UBE2E2: variants seen among roughly 807,000 people sequenced by gnomAD.
The protein encoded by UBE2E2 is ubiquitin-conjugating enzyme E2 E2.
A neutral mutation model predicts 24.7 loss-of-function variants in UBE2E2; 6 were observed. The ratio of observed to expected loss-of-function variants is 0.24; its 90% CI spans 0.13 to 0.48. The LOEUF is 0.48. Among genes scored for constraint, UBE2E2 ranks in the 20% least tolerant of loss-of-function variants. The pLI is 0.99. For synonymous variants in UBE2E2, 104 were observed against 83.6 expected (o/e 1.24, Z -1.33); for missense variants, 169 against 245.0 (o/e 0.69, Z 2.07).
chr3:23,309,131 G>A (rs1446961604), intron 3 of UBE2E2, among the ~76,000 whole-genome samples: 3 of 152,154 alleles, frequency 2.0e-5, no homozygotes, highest in Non-Finnish European at 4.4e-5. Context: ...CCCACTTTGA[G>A]GGCAGGTCTT....
intron 3 of UBE2E2, among the ~76,000 whole-genome samples, chr3:23,307,064 C>T (rs141597550): frequency 8.6e-4 from 131 of 152,112 alleles, no homozygotes; most frequent in African/African-American, 3.0e-3. Context: ...ATTTTTGGTA[C>T]GATATTATTT....
chr3:23,546,384 AC>A (rs1367438829), intron 5 of UBE2E2, among the ~76,000 whole-genome samples: 1 of 151,856 alleles, frequency 6.6e-6, no homozygotes, highest in Non-Finnish European at 1.5e-5. Flanking sequence ...TTTACTCAGA[AC>A]TATTTGCCCA....
chr3:23,525,692 C>CA (rs753918826), intron 4 of UBE2E2, among the ~76,000 whole-genome samples: 4 of 152,130 alleles, frequency 2.6e-5, no homozygotes, highest in Non-Finnish European at 5.9e-5. Flanking sequence ...TTAACCCTTG[C>CA]AATGGAAGTG....
At chr3:23,334,435 TATTGGTGG>T (rs1695151684) in intron 3 of UBE2E2, among the ~76,000 whole-genome samples, 2 of 152,186 alleles carry the variant, frequency 1.3e-5, no homozygotes, top group African/African-American at 4.8e-5. Context: ...TACAACTGCG[TATTGGTGG>T]TACCTACTCA....
intron 3 of UBE2E2, among the ~76,000 whole-genome samples, chr3:23,267,673 G>C (rs1484895248): frequency 3.3e-5 from 5 of 152,054 alleles, no homozygotes; most frequent in Middle Eastern, 3.4e-3. Context: ...CCAATCAATA[G>C]AAAAAGAGGG....
chr3:23,546,791 T>C (rs952566763), intron 5 of UBE2E2, among the ~76,000 whole-genome samples: 15 of 152,074 alleles, frequency 9.9e-5, no homozygotes, highest in Non-Finnish European at 2.9e-5. Context: ...TAGATTTTAA[T>C]TAATTTTTAA....
rs759887508 is a variant in UBE2E2 at position 23,560,912 on chromosome 3, GTTGT to G, written c.508+28218_508+28221del. ...TATCCTTTGCCCACTTTTTGATGGG[GTTGT>G]TTGTTTTTTTCTTGTAAATTTGTTT... On this transcript the variant is annotated intron_variant, in intron 5 of 5. Coordinates refer to ENST00000396703, the MANE Select transcript of UBE2E2 (RefSeq NM_152653.4). Among the ~76,000 whole-genome samples, 85 of 152,212 alleles carry G rather than the reference GTTGT, an allele frequency of 5.6e-4. 3 individuals are homozygous for G. In the East Asian group the frequency reaches 0.015, roughly 27 times the overall value.
At chr3:23,380,354 A>G (rs958570653) in intron 3 of UBE2E2, among the ~76,000 whole-genome samples, 4 of 152,222 alleles carry the variant, frequency 2.6e-5, no homozygotes, top group Admixed American at 2.0e-4. Context: ...CTACAGGCAC[A>G]TGCCGTGACT....
intron 3 of UBE2E2, among the ~76,000 whole-genome samples, chr3:23,448,852 T>G (rs1698491239): frequency 6.6e-6 from 1 of 152,204 alleles, no homozygotes; most frequent in East Asian, 1.9e-4. Flanking sequence ...GTCAGGCAGA[T>G]CCAGGATCTC....
intron 3 of UBE2E2, among the ~76,000 whole-genome samples, chr3:23,392,838 A>G (rs1357799311): frequency 1.3e-5 from 2 of 152,196 alleles, no homozygotes; most frequent in Non-Finnish European, 2.9e-5. Flanking sequence ...GAAGTGAAAG[A>G]TGAATAATAT....
At chr3:23,445,609 A>C (rs1692622) in intron 3 of UBE2E2, among the ~76,000 whole-genome samples, 84,242 of 152,058 alleles carry the variant, frequency 0.55, 23,768 homozygotes, top group African/African-American at 0.61. Context: ...GCTAGATCGG[A>C]AATCCTTTTT....
At chr3:23,314,655 C>A (rs1007146445) in intron 3 of UBE2E2, among the ~76,000 whole-genome samples, 1 of 152,148 alleles carries the variant, frequency 6.6e-6, no homozygotes, top group African/African-American at 2.4e-5. Context: ...TGATGAAATC[C>A]CTCAGCTTTT....
chr3:23,560,232 A>G (rs1356787768), intron 5 of UBE2E2, among the ~76,000 whole-genome samples: 3 of 75,814 alleles, frequency 4.0e-5, no homozygotes, highest in Non-Finnish European at 7.6e-5. Flanking sequence ...CCACCCCACA[A>G]CAGGCCCCGG....
chr3:23,463,592 C>T (rs1368710293), intron 3 of UBE2E2, among the ~76,000 whole-genome samples: 1 of 152,056 alleles, frequency 6.6e-6, no homozygotes, highest in Admixed American at 6.6e-5. Context: ...GGAAATCTTG[C>T]AAAGAGGGCC....
At chr3:23,403,751 G>T (rs1031414888) in intron 3 of UBE2E2, among the ~76,000 whole-genome samples, 6 of 151,164 alleles carry the variant, frequency 4.0e-5, no homozygotes, top group Non-Finnish European at 7.4e-5. Context: ...TTGAACCCGG[G>T]AGGTGGAGGT....
intron 3 of UBE2E2, among the ~76,000 whole-genome samples, chr3:23,308,761 C>T (rs1441385002): frequency 6.6e-6 from 1 of 151,950 alleles, no homozygotes; most frequent in Non-Finnish European, 1.5e-5. Flanking sequence ...TAGGTGAAGC[C>T]CCGCCATAGG....
intron 5 of UBE2E2, among the ~76,000 whole-genome samples, chr3:23,536,349 T>C (rs921865283): frequency 2.6e-5 from 4 of 152,240 alleles, no homozygotes; most frequent in Non-Finnish European, 5.9e-5. Flanking sequence ...TACAGAGTTA[T>C]GGCTATAAAT....
chr3:23,332,207 A>G (rs536836546), intron 3 of UBE2E2, among the ~76,000 whole-genome samples: 2 of 152,092 alleles, frequency 1.3e-5, no homozygotes, highest in African/African-American at 2.4e-5. Context: ...ACAGAGTGGC[A>G]TGATGTCGGA....
chr3:23,247,545 G>A (rs186597954), intron 3 of UBE2E2, among the ~76,000 whole-genome samples: 11 of 152,034 alleles, frequency 7.2e-5, no homozygotes, highest in Middle Eastern at 6.8e-3. Context: ...AGTAGGACGG[G>A]GTTTCTCCAT....
Sources: gnomAD v4.1 joint callset for allele counts (sites outside exome capture counted in the v4.1 genomes callset) on GRCh38, gnomAD v4.1.1 for gene constraint, MANE v1.5 for transcripts, NCBI Gene and HGNC (gene_info 2026-07-23, HGNC 2026-07-21) for gene names.